Variants in TNK2 observed in about 807,000 individuals in gnomAD.
TNK2 encodes the protein activated CDC42 kinase 1.
Under a neutral mutation model 101.8 loss-of-function variants are expected in TNK2, and 83 were observed. The ratio of observed to expected loss-of-function variants is 0.82; its 90% CI spans 0.68 to 0.98. The LOEUF (loss-of-function observed/expected upper bound fraction) is 0.98. Ranked by LOEUF, TNK2 falls within the 50% of genes least tolerant of loss-of-function variation. TNK2 has a pLI of 0.00. For synonymous variants in TNK2, 804 were observed against 633.0 expected, an observed-to-expected ratio of 1.27 and a Z score of -4.06; for missense variants, 1,665 against 1,483.2, an observed-to-expected ratio of 1.12 and a Z score of -2.01.
In TNK2 at chr3:195,878,575, G is replaced by T; in HGVS notation, c.1032C>A (p.Asp344Glu). 1 of 1,613,208 alleles carries T rather than the reference G, an allele frequency of 6.2e-7. No individual in the cohort carries two copies. The highest frequency in any genetic ancestry group is 8.5e-7 in the Non-Finnish European group (1 of 1,179,970). ...GCCGGGGCAGCCGCTCCCCCTCCTT[G>T]TCGATCTTATGCAGGATCTGAAGGT... ...LNGSQILHKIDKEGERLPRPE... is the reference protein window; with the variant it reads ...LNGSQILHKIEKEGERLPRPE... The change falls in exon 8 of 16, where the codon GAC becomes GAA. Residue 344 changes from aspartate (D) to glutamate (E), a missense_variant. This residue lies in a region of TNK2 where 490 missense variants were observed against 522.5 expected (regional missense o/e 0.94). Coordinates refer to ENST00000672887, the MANE Select transcript of TNK2 (RefSeq NM_001382273.1). This position sits in a 1 kb window ranked among gnomAD's most constrained non-coding sequence, Gnocchi z 4.7.
At position 195,868,547 on chromosome 3, in the gene TNK2, G is replaced by A. The variant is rs777940731; in HGVS notation, c.1751C>T (p.Thr584Met). ...KASRGSGAEV[T>M]LIDFGEEPVV... ...GGGCTCCTCACCGAAGTCGATGAGC[G>A]TGACCTCAGCCCCGCTGCCTCGGCT... Residue 584 changes from threonine to methionine, a missense_variant, in exon 13 of 16, where the codon ACG becomes ATG. Thr to Met is a moderately conservative substitution (Grantham distance 81). Around this residue, in one of 3 missense-constraint regions of TNK2, gnomAD observed 1,136 missense variants for 894.9 expected, o/e 1.27. Coordinates refer to ENST00000672887, the MANE Select transcript of TNK2 (RefSeq NM_001382273.1). 2.4e-5 allele frequency: 37 copies of A among 1,570,392 alleles called. No homozygotes were observed. Among genetic ancestry groups the A allele is most frequent in the East Asian group, 1.9e-4 (8 of 43,044 alleles).
At chr3:195,865,372 G>A (rs934299826) in intron 15 of TNK2, among the ~76,000 whole-genome samples, 3 of 146,600 alleles carry the variant, frequency 2.0e-5, no homozygotes, top group African/African-American at 7.7e-5. Flanking sequence ...AGAACCACCC[G>A]AGACAGTGAC....
rs754659374 is a variant in TNK2, at chr3:195,888,486, G to A, written c.103C>T (p.Leu35=). 40 of 1,613,996 alleles carry A rather than the reference G, an allele frequency of 2.5e-5. No homozygotes were observed. In the South Asian group the frequency reaches 3.6e-4, roughly 15 times the overall value. ...TTCTTGACGTACTCAAAGTGGGACAGGCGGGTGACGTTGAGGTCATCTCGG... is the reference window on the plus strand; with the variant it reads ...TTCTTGACGTACTCAAAGTGGGACAAGCGGGTGACGTTGAGGTCATCTCGG... ...RLRDDLNVTR[L]SHFEYVKNED... The change falls in exon 2 of 16, where the codon CTG becomes TTG. Residue 35 remains leucine, a synonymous_variant. Transcript: ENST00000672887. The surrounding 1 kb of genome is among the most constrained non-coding windows in gnomAD (Gnocchi z 5.3).
At chr3:195,899,661 C>T (rs1459645865) in intron 1 of TNK2, among the ~76,000 whole-genome samples, 3 of 152,194 alleles carry the variant, frequency 2.0e-5, no homozygotes, top group African/African-American at 4.8e-5. Flanking sequence ...TTATCCATCA[C>T]GTTCCTATCC....
At chr3:195,896,945 G>T (rs1345925615) in intron 1 of TNK2, among the ~76,000 whole-genome samples, 1 of 152,206 alleles carries the variant, frequency 6.6e-6, no homozygotes, top group Non-Finnish European at 1.5e-5. Flanking sequence ...GCAATTTCCG[G>T]CCAAGAGGAT....
Position 195,868,036 on chromosome 3 carries a change from C to T in TNK2, c.2262G>A (p.Val754=). The T allele has an allele frequency of 3.1e-6, 5 of 1,593,104 alleles. No individual in the cohort carries two copies. Among genetic ancestry groups the T allele is most frequent in the Non-Finnish European group, 4.3e-6 (5 of 1,173,926 alleles). The change falls in exon 13 of 16, where the codon GTG becomes GTA. Residue 754 remains valine, a synonymous_variant. Coordinates refer to ENST00000672887, the MANE Select transcript of TNK2 (RefSeq NM_001382273.1). ...PSPGGDDKPQ[V]PPRVPIPPRP... is the part of the protein sequence containing the mutation. The stretch of plus-strand genomic sequence containing the variant: ...GAGGGGGGATGGGTACCCGAGGAGG[C>T]ACCTGGGGCTTGTCGTCACCCCCCG...
intron 1 of TNK2, among the ~76,000 whole-genome samples, chr3:195,890,886 G>A (rs947702219): frequency 9.9e-5 from 15 of 152,044 alleles, no homozygotes; most frequent in African/African-American, 3.4e-4. Flanking sequence ...CTCCCCTCTC[G>A]GTCAGCACTT....
chr3:195,868,067 G>A lies in TNK2; in HGVS notation c.2231C>T (p.Pro744Leu), dbSNP rs199747568. The A allele has an allele frequency of 3.1e-5, 50 of 1,606,630 alleles. No homozygotes were observed. In the African/African-American group the frequency reaches 6.3e-4, roughly 20 times the overall value. ...QAPAGSPAPS[P>L]SPGGDDKPQV... ...GGGCTTGTCGTCACCCCCCGGGCTG[G>A]GAGAGGGGGCCGGGGAGCCGGCCGG... Residue 744 changes from proline to leucine, a missense_variant, in exon 13 of 16, where the codon CCC becomes CTC. Transcript: ENST00000672887.
chr3:195,872,262 C>A lies in TNK2; in HGVS notation c.1451+14G>T, dbSNP rs991737289. ...GCGGGGCCAGGTCAGCATCCATCCC[C>A]GCCCAGTACTCACTCGTCAATCCTG... is the stretch of plus-strand genomic sequence containing the variant. On this transcript the variant is annotated intron_variant, in intron 10 of 15. Coordinates refer to ENST00000672887, the MANE Select transcript of TNK2 (RefSeq NM_001382273.1). 1.2e-6 allele frequency: 2 copies of A among 1,612,826 alleles called. No individual in the cohort carries two copies. The highest frequency in any genetic ancestry group is 4.5e-5 in the East Asian group (2 of 44,882).
rs982021408 is a variant in TNK2 at position 195,886,085 on chromosome 3, C to T, written c.234+892G>A. 1 of 154,580 alleles carries T rather than the reference C, an allele frequency of 6.5e-6. No homozygotes were observed. The highest frequency in any genetic ancestry group is 2.4e-5 in the African/African-American group (1 of 41,456). The allele number at this position is 154,580 out of a possible 1,614,324, so 9.6% of individuals were successfully genotyped here. A position where few individuals can be genotyped will look rare whatever the true frequency, so the allele number is the denominator to read the frequency against. Reference sequence around the variant, plus strand: ...GACCGGTATCATTTCACTGAAGACACAACAAAAATCTGGAGGCCACTGACC... The same window carrying T: ...GACCGGTATCATTTCACTGAAGACATAACAAAAATCTGGAGGCCACTGACC... On this transcript the variant is annotated intron_variant, in intron 3 of 15. Transcript: ENST00000672887. This position sits in a 1 kb window ranked among gnomAD's most constrained non-coding sequence, Gnocchi z 4.2.
intron 12 of TNK2, chr3:195,869,153 C>T (rs1560480369): frequency 1.9e-6 from 1 of 540,346 alleles, no homozygotes; most frequent in Non-Finnish European, 3.3e-6. Flanking sequence ...GACAGTACTC[C>T]TGACCAACGG....
rs567070505 is a variant in TNK2 at position 195,866,803 on chromosome 3, G to A, written c.3161+86C>T. ...GTCTCCCTGGCCGGGAGCGGCCTGC[G>A]AGGTGTTGGGCTTCCTCCCAGTGTG... is the stretch of plus-strand genomic sequence containing the variant. On this transcript the variant is annotated intron_variant, in intron 15 of 15. Coordinates refer to ENST00000672887, the MANE Select transcript of TNK2 (RefSeq NM_001382273.1). The A allele has an allele frequency of 1.3e-5, 20 of 1,527,956 alleles. No individual in the cohort carries two copies. In the East Asian group the frequency reaches 1.9e-4, roughly 15 times the overall value. The allele number at this position is 1,527,956 out of a possible 1,614,324, so 94.6% of individuals were successfully genotyped here.
intron 9 of TNK2, among the ~76,000 whole-genome samples, chr3:195,874,370 A>T (rs530426677): frequency 6.6e-6 from 1 of 152,156 alleles, no homozygotes; most frequent in African/African-American, 2.4e-5. Flanking sequence ...CACCTCCCTT[A>T]GTGCAGGTAT....
Position 195,888,628 on chromosome 3 carries a change from A to G in TNK2, c.-18-22T>C, listed in dbSNP as rs778160678. The G allele has an allele frequency of 5.0e-5, 79 of 1,594,838 alleles. No homozygotes were observed. Among genetic ancestry groups the G allele is most frequent in the Non-Finnish European group, 6.4e-5 (75 of 1,171,272 alleles). ...GCCTCTGTGGGGGGAGGAGTGGCTC[A>G]GGGACAAGGGTTGTGGGGGGACAAC... On this transcript the variant is annotated intron_variant, in intron 1 of 15. Coordinates refer to ENST00000672887, the MANE Select transcript of TNK2 (RefSeq NM_001382273.1). The surrounding 1 kb of genome is among the most constrained non-coding windows in gnomAD (Gnocchi z 5.3).
intron 12 of TNK2, chr3:195,868,966 C>G: frequency 1.9e-6 from 1 of 528,192 alleles, no homozygotes; most frequent in Non-Finnish European, 3.3e-6. Context: ...TAAGCTGCAG[C>G]AAGCAACACT....
intron 9 of TNK2, among the ~76,000 whole-genome samples, chr3:195,877,817 A>G (rs1377882706): frequency 6.6e-6 from 1 of 152,016 alleles, no homozygotes; most frequent in Non-Finnish European, 1.5e-5. Flanking sequence ...GCTCAGCAGG[A>G]AGGATGGAAA....
intron 1 of TNK2, among the ~76,000 whole-genome samples, chr3:195,905,024 T>G (rs1761586013): frequency 6.6e-6 from 1 of 152,202 alleles, no homozygotes; most frequent in South Asian, 2.1e-4. Context: ...GAACCCAGAA[T>G]AGCTAAAGCA....
chr3:195,867,180 G>A lies in TNK2; in HGVS notation c.3022C>T (p.Gln1008Ter), dbSNP rs1156671788. 5.0e-6 allele frequency: 8 copies of A among 1,612,894 alleles called. No homozygotes were observed. Among genetic ancestry groups the A allele is most frequent in the Non-Finnish European group, 6.8e-6 (8 of 1,179,882 alleles). The change falls in exon 14 of 16, where the codon CAG (glutamine) becomes TAG (stop). Residue 1008 changes from glutamine (Q) to a stop codon, truncating the protein, a stop_gained. Coordinates refer to ENST00000672887, the MANE Select transcript of TNK2 (RefSeq NM_001382273.1). LOFTEE classifies it high-confidence loss of function. ...CHGWSVQRAA[Q>*]YLKVEQLFGL... Reference sequence around the variant, plus strand: ...GGAGGTGGCGGTACCTTCAGATACTGGGCAGCCCTCTGCACGCTCCAGCCG... The same window carrying A: ...GGAGGTGGCGGTACCTTCAGATACTAGGCAGCCCTCTGCACGCTCCAGCCG...
At position 195,867,174 on chromosome 3, in the gene TNK2, GA is replaced by G. The variant is rs1470954213; in HGVS notation, c.3027del (p.Leu1010Ter). On this transcript the variant is annotated frameshift_variant, in exon 14 of 16. Transcript: ENST00000672887. LOFTEE classifies it high-confidence loss of function. ...HGWSVQRAAQ[Y>X]LKVEQLFGLG... ...TGAGCAGGAGGTGGCGGTACCTTCA[GA>G]TACTGGGCAGCCCTCTGCACGCTCC... 1.2e-6 allele frequency: 2 copies of G among 1,612,844 alleles called. No homozygotes were observed. The highest frequency in any genetic ancestry group is 1.7e-6 in the Non-Finnish European group (2 of 1,179,884).
Sources: allele counts gnomAD v4.1 joint callset (sites outside exome capture counted in the v4.1 genomes callset), GRCh38; gene constraint gnomAD v4.1.1; regional missense constraint gnomAD v4.1.1; non-coding constraint Gnocchi (gnomAD v3.1); transcripts MANE v1.5; gene names NCBI Gene and HGNC (gene_info 2026-07-23, HGNC 2026-07-21).